Variants in FOCAD observed in about 807,000 individuals in gnomAD.
The protein encoded by FOCAD is KIAA1797.
A neutral mutation model predicts 225.6 loss-of-function variants in FOCAD; 198 were observed. The observed-to-expected ratio is 0.88, with a 90% CI of 0.78 to 0.99. The LOEUF (loss-of-function observed/expected upper bound fraction) is 0.99, where lower values mean the gene tolerates loss of function less well. Ranked by LOEUF, FOCAD falls within the 50% of genes least tolerant of loss-of-function variation. The pLI, the probability that FOCAD is intolerant of heterozygous loss-of-function variation, is 0.00. For missense variants in FOCAD, 2,713 were observed against 2,123.6 expected (o/e 1.28, Z -5.46); for synonymous variants, 897 against 755.0 (o/e 1.19, Z -3.08).
intron 15 of FOCAD, among the ~76,000 whole-genome samples, chr9:20,824,550 A>C (rs1320170139): frequency 1.3e-5 from 2 of 152,026 alleles, no homozygotes; most frequent in East Asian, 3.9e-4. Flanking sequence ...TGAGTTTGGC[A>C]CTGACTTTCC....
chr9:20,707,185 T>G (rs1332031031), intron 1 of FOCAD, among the ~76,000 whole-genome samples: 1 of 152,224 alleles, frequency 6.6e-6, no homozygotes, highest in East Asian at 1.9e-4. Flanking sequence ...ATTATAATAT[T>G]GACCAAGTGG....
chr9:20,866,106 G>C (rs1326956324), intron 17 of FOCAD, 130 bp downstream of exon 17: 6 of 744,856 alleles, frequency 8.1e-6, no homozygotes, highest in Non-Finnish European at 1.3e-5. Flanking sequence ...TTTAAAAAAA[G>C]TGTGATTATT....
chr9:20,695,453 A>C (rs572604259), intron 1 of FOCAD, among the ~76,000 whole-genome samples: 3 of 152,196 alleles, frequency 2.0e-5, no homozygotes, highest in Non-Finnish European at 4.4e-5. Context: ...GATTTTTCTT[A>C]AGCCCGTAAA....
chr9:20,753,967 T>C (rs1828808601), intron 5 of FOCAD, among the ~76,000 whole-genome samples: 1 of 152,168 alleles, frequency 6.6e-6, no homozygotes, highest in African/African-American at 2.4e-5. Context: ...CTTGAATAGC[T>C]GGTTTGGGGA....
chr9:20,913,588 G>T (rs1052930628), intron 23 of FOCAD, among the ~76,000 whole-genome samples: 1 of 152,172 alleles, frequency 6.6e-6, no homozygotes, highest in Admixed American at 6.5e-5. Context: ...ACCACAGGTT[G>T]CTTTAATCTA....
At chr9:20,911,662 T>C (rs1206003892) in intron 22 of FOCAD, among the ~76,000 whole-genome samples, 1 of 152,170 alleles carries the variant, frequency 6.6e-6, no homozygotes, top group Non-Finnish European at 1.5e-5. Flanking sequence ...AAGATATTTG[T>C]TGGCCACTTT....
In FOCAD at chr9:20,986,278, T is replaced by G. The variant is rs1423812467; in HGVS notation, c.4729-10T>G. 8 of 1,394,908 alleles carry G rather than the reference T, an allele frequency of 5.7e-6. No individual in the cohort carries two copies. The highest frequency in any genetic ancestry group is 7.5e-6 in the Non-Finnish European group (8 of 1,061,952). The allele number at this position is 1,394,908 out of a possible 1,614,324, so 86.4% of individuals were successfully genotyped here. ...TAGTAACTAAACAATTTTTTTTTTTTTTTTTGCAGAGCAACATAGAAAAAG... is the reference window on the plus strand; with the variant it reads ...TAGTAACTAAACAATTTTTTTTTTTGTTTTTGCAGAGCAACATAGAAAAAG... On this transcript the variant is annotated splice_polypyrimidine_tract_variant and intron_variant, in intron 39 of 43. Coordinates refer to ENST00000338382, the MANE Select transcript of FOCAD (RefSeq NM_001375567.1).
At chr9:20,944,410 T>G (rs1836972190) in intron 28 of FOCAD, among the ~76,000 whole-genome samples, 1 of 152,166 alleles carries the variant, frequency 6.6e-6, no homozygotes, top group Non-Finnish European at 1.5e-5. Context: ...AGCACTAGCA[T>G]GGGCCACAGA....
intron 11 of FOCAD, among the ~76,000 whole-genome samples, chr9:20,815,137 GTTTTTT>G (rs71334555): frequency 4.3e-5 from 3 of 69,146 alleles, no homozygotes; most frequent in African/African-American, 1.2e-4. Context: ...TTTTTTTTTT[GTTTTTT>G]TTTTTTTTTT....
rs1247803192 is a variant in FOCAD, at chr9:20,821,017, A to G, written c.1739A>G (p.Gln580Arg). 3 of 1,612,682 alleles carry G rather than the reference A, an allele frequency of 1.9e-6. No homozygotes were observed. In the East Asian group the frequency reaches 6.7e-5, roughly 36 times the overall value. ...TCTCTTTCGGTGGGCAAGGAAGTCC[A>G]ATGGGAGAAACTGATTGCAAAAGCA... is the stretch of plus-strand genomic sequence containing the variant. ...VPSLSVGKEV[Q>R]WEKLIAKAAS... Residue 580 changes from glutamine (Q) to arginine (R), a missense_variant, in exon 14 of 44, where the codon CAA (glutamine) becomes CGA (arginine). By Grantham distance (43) the Gln-to-Arg change is conservative. Coordinates refer to ENST00000338382, the MANE Select transcript of FOCAD (RefSeq NM_001375567.1).
intron 42 of FOCAD, among the ~76,000 whole-genome samples, chr9:20,993,018 A>G (rs1381865865): frequency 6.6e-6 from 1 of 151,872 alleles, no homozygotes; most frequent in Non-Finnish European, 1.5e-5. Flanking sequence ...AGTAGGTTTG[A>G]CTTTGCCAGG....
Position 20,661,585 on chromosome 9 carries a change from T to C in FOCAD, c.-78+2759T>C, listed in dbSNP as rs147353402. Among the ~76,000 whole-genome samples, 94 of 152,328 alleles carry C rather than the reference T, an allele frequency of 6.2e-4. 2 individuals are homozygous for C. The highest frequency in any genetic ancestry group is 9.1e-4 in the Admixed American group (14 of 15,302). ...TAAACTGAGATATTCTCAGTGTCCT[T>C]CTTTTTCTCACTATCTCTCTTCCTA... On this transcript the variant is annotated intron_variant, in intron 2 of 45. Coordinates refer to the FOCAD transcript ENST00000380249.
At chr9:20,680,339 C>T (rs991028067), upstream of FOCAD, among the ~76,000 whole-genome samples, 1 of 151,922 alleles carries the variant, frequency 6.6e-6, no homozygotes, top group African/African-American at 2.4e-5. Flanking sequence ...GTGAGCCCAC[C>T]ACGAGGTCAA....
At chr9:20,663,178 G>C (rs147516415) in intron 2 of FOCAD, among the ~76,000 whole-genome samples, 162 of 152,118 alleles carry the variant, frequency 1.1e-3, no homozygotes, top group Admixed American at 3.7e-3. Flanking sequence ...CTTAAAGTTA[G>C]GAGTTTGAGA....
chr9:20,957,260 A>G (rs368699489), intron 35 of FOCAD, among the ~76,000 whole-genome samples: 36 of 100,898 alleles, frequency 3.6e-4, no homozygotes, highest in African/African-American at 5.1e-4. Context: ...GATGGAAACA[A>G]TGTTGCCTAG....
At chr9:20,835,879 T>A (rs1468503946) in intron 15 of FOCAD, among the ~76,000 whole-genome samples, 1 of 152,056 alleles carries the variant, frequency 6.6e-6, no homozygotes, top group Non-Finnish European at 1.5e-5. Context: ...AGCCAAGCAT[T>A]GTATGATTGA....
At chr9:20,909,378 G>A (rs1371644574) in intron 22 of FOCAD, among the ~76,000 whole-genome samples, 2 of 152,042 alleles carry the variant, frequency 1.3e-5, no homozygotes, top group East Asian at 1.9e-4. Flanking sequence ...CCTGACTCCA[G>A]AGCCTTAGCG....
chr9:20,887,767 C>G (rs971529540), intron 21 of FOCAD, among the ~76,000 whole-genome samples: 1 of 152,144 alleles, frequency 6.6e-6, no homozygotes, highest in African/African-American at 2.4e-5. Flanking sequence ...AACTATCAAA[C>G]TGTTTTCCTA....
chr9:20,750,643 G>C (rs1447648045), intron 5 of FOCAD, among the ~76,000 whole-genome samples: 1 of 152,142 alleles, frequency 6.6e-6, no homozygotes, highest in Non-Finnish European at 1.5e-5. Context: ...CTATTAAGGA[G>C]AAAGCAGAAT....
Sources: gnomAD v4.1 joint callset for allele counts (sites outside exome capture counted in the v4.1 genomes callset) on GRCh38, gnomAD v4.1.1 for gene constraint, MANE v1.5 for transcripts, NCBI Gene and HGNC (gene_info 2026-07-23, HGNC 2026-07-21) for gene names.